The following MDN1 variants were observed in gnomAD, a reference collection of about 807,000 sequenced individuals.
The protein encoded by MDN1 is midasin AAA ATPase 1, also known as midasin.
MDN1 carries 266 observed loss-of-function variants against 669.2 expected under a neutral mutation model. The ratio of observed to expected loss-of-function variants is 0.40; its 90% CI spans 0.36 to 0.44. The LOEUF is 0.44. MDN1 is among the 20% of genes least tolerant of loss of function. MDN1 has a pLI of 1.00. For synonymous variants in MDN1, 2,385 were observed against 2,457.1 expected (o/e 0.97, Z 0.87); for missense variants, 5,940 against 6,754.0 (o/e 0.88, Z 4.22).
At position 89,723,555 on chromosome 6, in the gene MDN1, A is replaced by G. The variant is rs748687438; in HGVS notation, c.5735T>C (p.Ile1912Thr). The G allele has an allele frequency of 3.1e-6, 5 of 1,603,818 alleles. No homozygotes were observed. The African/African-American group carries it at 4.0e-5, about 13-fold the overall frequency. ...CATTTTCTTAACAATATTTTTCTCA[A>G]TGGCTGGAAACAAAGTACTGGCAAT... ...EFIASTLFPAIEKNIVKKMVA... is the reference protein window; with the variant it reads ...EFIASTLFPATEKNIVKKMVA... The change falls in exon 39 of 102, where the codon ATT becomes ACT. Residue 1912 changes from isoleucine to threonine, a missense_variant. This residue lies in a region of MDN1 where 2,292 missense variants were observed against 2,638.3 expected (regional missense o/e 0.87). Transcript: ENST00000369393.
chr6:89,749,823 C>A, intron 24 of MDN1, 72 bp from the exon 25 acceptor site: 1 of 1,193,330 alleles, frequency 8.4e-7, no homozygotes, highest in Non-Finnish European at 1.2e-6. Context: ...ATGTACAAAT[C>A]AACAAATCCT....
chr6:89,658,231 G>C lies in MDN1; in HGVS notation c.15161C>G (p.Pro5054Arg), dbSNP rs1418558284. Reference protein sequence around the residue: ...TQAMELAGAAPEKEQGKEEHG... With the variant: ...TQAMELAGAAREKEQGKEEHG... ...CACCTCTTTCCCCTGCTCCTTCTCA[G>C]GTGCGGCCCCAGCCAGCTCCATGGC... Residue 5054 changes from proline (P) to arginine (R), a missense_variant, in exon 90 of 102, where the codon CCT becomes CGT. Pro to Arg is a moderately radical substitution (Grantham distance 103, BLOSUM62 -2). Around this residue, in one of 5 missense-constraint regions of MDN1, gnomAD observed 2,280 missense variants for 2,576.3 expected, o/e 0.88. Transcript: ENST00000369393. 6.2e-7 allele frequency: 1 copy of C among 1,614,188 alleles called. No individual in the cohort carries two copies. The highest frequency in any genetic ancestry group is 8.5e-7 in the Non-Finnish European group (1 of 1,180,036).
At chr6:89,737,811 C>T (rs1287992253) in intron 33 of MDN1, among the ~76,000 whole-genome samples, 2 of 150,558 alleles carry the variant, frequency 1.3e-5, no homozygotes, top group Admixed American at 6.6e-5. Flanking sequence ...GCAACCTCCA[C>T]TTCCCAGGTT....
chr6:89,677,834 G>A, intron 75 of MDN1, 138 bp from the exon 76 acceptor site: 4 of 1,092,160 alleles, frequency 3.7e-6, no homozygotes, highest in South Asian at 1.5e-5. Context: ...CTCTCAGGCT[G>A]CACCCACACC....
In MDN1 at chr6:89,693,086, G is replaced by C. The variant is rs138771967; in HGVS notation, c.9944C>G (p.Ala3315Gly). 8 of 1,613,442 alleles carry C rather than the reference G, an allele frequency of 5.0e-6. No homozygotes were observed. Among genetic ancestry groups the C allele is most frequent in the South Asian group, 1.1e-5 (1 of 91,004 alleles). ...GTAGGCAGGCAGCTGGGGTCTAAAGGCCTGTTTCTTCAACAGGTGACAGGT... is the reference window on the plus strand; with the variant it reads ...GTAGGCAGGCAGCTGGGGTCTAAAGCCCTGTTTCTTCAACAGGTGACAGGT... ...NLTCHLLKKQ[A>G]FRPQLPAYES... The change falls in exon 63 of 102, where the codon GCC (alanine) becomes GGC (glycine). Residue 3315 changes from alanine to glycine, a missense_variant. Ala to Gly is a moderately conservative substitution (Grantham distance 60). This residue lies in a region of MDN1 where 150 missense variants were observed against 234.2 expected (regional missense o/e 0.64). Coordinates refer to ENST00000369393, the MANE Select transcript of MDN1 (RefSeq NM_014611.3).
At chr6:89,739,702 G>T (rs1375994787) in intron 32 of MDN1, among the ~76,000 whole-genome samples, 3 of 152,104 alleles carry the variant, frequency 2.0e-5, no homozygotes, top group Admixed American at 6.5e-5. Context: ...CTGAACATAG[G>T]AACTACCCTC....
chr6:89,815,597 G>A (rs1768772044), intron 1 of MDN1: 1 of 175,938 alleles, frequency 5.7e-6, no homozygotes, highest in Admixed American at 6.3e-5. Context: ...GCCACAGCCT[G>A]AGAGTGTCTT....
rs1207643835 is a variant in MDN1 at position 89,810,017 on chromosome 6, A to AT, written c.103-6464_103-6463insA. ...CTAAAAAAAAAAAAAAAAAAAAAAA[A>AT]AAAAAAAAATTAAGTTTGGAAGATT... On this transcript the variant is annotated intron_variant, in intron 1 of 101. Transcript: ENST00000369393. 8.7e-4 allele frequency among the ~76,000 whole-genome samples: 107 copies of AT among 122,698 alleles called. 3 individuals carry two copies. Among genetic ancestry groups the AT allele is most frequent in the Middle Eastern group, 4.3e-3 (1 of 232 alleles). The allele number at this position is 122,698 out of a possible 152,430, so 80.5% of individuals were successfully genotyped here.
At position 89,653,239 on chromosome 6, in the gene MDN1, A is replaced by C. The variant is rs112832639; in HGVS notation, c.15662-84T>G. 8.0e-5 allele frequency: 105 copies of C among 1,306,840 alleles called. 2 individuals are homozygous for C. In the African/African-American group the frequency reaches 9.8e-4, roughly 12 times the overall value. 81.0% of individuals were successfully genotyped at this position (1,306,840 alleles called of 1,614,324 possible). A position where few individuals can be genotyped will look rare whatever the true frequency, so the allele number is the denominator to read the frequency against. On this transcript the variant is annotated intron_variant, in intron 93 of 101. Coordinates refer to ENST00000369393, the MANE Select transcript of MDN1 (RefSeq NM_014611.3). The stretch of plus-strand genomic sequence containing the variant: ...CTTTGCTATTGCCTGTTAATCCTGA[A>C]AATTAATCAAACTTCATTCATTCAC...
chr6:89,745,147 A>AAAAG, intron 29 of MDN1, 126 bp downstream of exon 29: 2 of 1,002,732 alleles, frequency 2.0e-6, no homozygotes, highest in African/African-American at 3.5e-5. Flanking sequence ...AAAAAAAAAA[A>AAAAG]AAAAAGAAAA....
intron 93 of MDN1, among the ~76,000 whole-genome samples, 188 bp from the exon 94 acceptor site, chr6:89,653,343 C>T (rs922857248): frequency 6.6e-6 from 1 of 152,196 alleles, no homozygotes; most frequent in Non-Finnish European, 1.5e-5. Flanking sequence ...ACTCTCTAAA[C>T]TCCCCTCCTC....
At position 89,758,265 on chromosome 6, in the gene MDN1, T is replaced by A. The variant is rs1817355530; in HGVS notation, c.2692A>T (p.Ile898Leu). ...DVGKRNLPPG[I>L]RNRFTELYVE... Reference sequence around the variant, plus strand: ...GAACCAAACCCTCACCTGTTTCTTATTCCTGGTGGGAGATTTCTTTTGCCT... The same window carrying A: ...GAACCAAACCCTCACCTGTTTCTTAATCCTGGTGGGAGATTTCTTTTGCCT... The change falls in exon 19 of 102, where the codon ATA (isoleucine) becomes TTA (leucine). Residue 898 changes from isoleucine (I) to leucine (L), a missense_variant. Physicochemically the swap from Ile to Leu is conservative, Grantham distance 5. Coordinates refer to ENST00000369393, the MANE Select transcript of MDN1 (RefSeq NM_014611.3). The A allele has an allele frequency of 1.9e-6, 3 of 1,609,060 alleles. No individual in the cohort carries two copies. Among genetic ancestry groups the A allele is most frequent in the Non-Finnish European group, 2.5e-6 (3 of 1,177,074 alleles).
chr6:89,746,230 T>A (rs1056986877), intron 27 of MDN1, among the ~76,000 whole-genome samples: 2 of 152,192 alleles, frequency 1.3e-5, no homozygotes, highest in African/African-American at 4.8e-5. Context: ...TTGGAAATAT[T>A]CTAAATCTTG....
At chr6:89,783,935 T>C (rs1326264736) in intron 9 of MDN1, among the ~76,000 whole-genome samples, 2 of 149,468 alleles carry the variant, frequency 1.3e-5, no homozygotes, top group African/African-American at 5.0e-5. Flanking sequence ...CGAGCCAAGA[T>C]CGTGCCACAG....
At chr6:89,804,347 A>G (rs757997123) in intron 1 of MDN1, among the ~76,000 whole-genome samples, 1 of 152,158 alleles carries the variant, frequency 6.6e-6, no homozygotes, top group Non-Finnish European at 1.5e-5. Flanking sequence ...ATTTTTTGCA[A>G]TGGAGGATCA....
At chr6:89,764,199 G>A (rs910215931) in intron 15 of MDN1, among the ~76,000 whole-genome samples, 7 of 152,200 alleles carry the variant, frequency 4.6e-5, no homozygotes, top group African/African-American at 1.4e-4. Context: ...CTGGGCAACA[G>A]AGCAAGAACT....
chr6:89,699,262 T>C (rs1257350114), intron 58 of MDN1, among the ~76,000 whole-genome samples: 2 of 152,212 alleles, frequency 1.3e-5, no homozygotes, highest in Admixed American at 1.3e-4. Flanking sequence ...AGTGTACCAG[T>C]ATTCATATTC....
chr6:89,757,444 C>T (rs1817311781), intron 19 of MDN1, among the ~76,000 whole-genome samples: 1 of 152,150 alleles, frequency 6.6e-6, no homozygotes, highest in South Asian at 2.1e-4. Context: ...TTATTTTCAA[C>T]AATATCCACT....
rs1812333543 is a variant in MDN1 at position 89,690,820 on chromosome 6, C to T, written c.10602G>A (p.Glu3534=). The T allele has an allele frequency of 5.0e-6, 8 of 1,614,000 alleles. No homozygotes were observed. In the African/African-American group the frequency reaches 8.0e-5, roughly 16 times the overall value. ...FRHVCQEIIS[E]WDEQERIAQE... ...GGGCTATGCGTTCCTGCTCATCCCACTCACTGATGATTTCCTGAAAGTCAC... is the reference window on the plus strand; with the variant it reads ...GGGCTATGCGTTCCTGCTCATCCCATTCACTGATGATTTCCTGAAAGTCAC... Residue 3534 remains glutamate (E), a synonymous_variant, in exon 64 of 102, where the codon GAG becomes GAA. Coordinates refer to ENST00000369393, the MANE Select transcript of MDN1 (RefSeq NM_014611.3).
Sources: allele counts gnomAD v4.1 joint callset (sites outside exome capture counted in the v4.1 genomes callset), GRCh38; gene constraint gnomAD v4.1.1; regional missense constraint gnomAD v4.1.1; transcripts MANE v1.5; gene names NCBI Gene and HGNC (gene_info 2026-07-23, HGNC 2026-07-21).